Variants in IFIH1 observed in about 807,000 individuals in gnomAD.
IFIH1 encodes the protein interferon induced with helicase C domain 1.
A neutral mutation model predicts 107.4 loss-of-function variants in IFIH1; 125 were observed. The ratio of observed to expected loss-of-function variants is 1.16; its 90% CI spans 1.01 to 1.35. The LOEUF (loss-of-function observed/expected upper bound fraction) is 1.35. IFIH1 is among the 40% of genes most tolerant of loss of function. The pLI, the probability that IFIH1 is intolerant of heterozygous loss-of-function variation, is 0.00. For synonymous variants in IFIH1, 458 were observed against 413.2 expected (o/e 1.11, Z -1.31); for missense variants, 1,333 against 1,213.7 (o/e 1.10, Z -1.46).
At chr2:162,305,910 G>A (rs564663459) in intron 3 of IFIH1, among the ~76,000 whole-genome samples, 1 of 152,310 alleles carries the variant, frequency 6.6e-6, no homozygotes, top group South Asian at 2.1e-4. Flanking sequence ...TTTGTGTTCA[G>A]TGATCTTATG....
rs1384144128 is a variant in IFIH1, at chr2:162,267,512, T to C, written c.2865A>G (p.Gln955=). The change falls in exon 15 of 16, where the codon CAA becomes CAG. Residue 955 remains glutamine (Q), a synonymous_variant. Transcript: ENST00000649979. ...KALQKKCADY[Q]INGEIICKCG... is the part of the protein sequence containing the mutation. ...ATTTGCAGATGATTTCACCATTTAT[T>C]TGATAGTCGGCACACTTCTTTTGCA... 1 of 1,613,948 alleles carries C rather than the reference T, an allele frequency of 6.2e-7. No homozygotes were observed. Among genetic ancestry groups the C allele is most frequent in the Non-Finnish European group, 8.5e-7 (1 of 1,179,894 alleles).
intron 12 of IFIH1, among the ~76,000 whole-genome samples, chr2:162,272,885 C>T (rs1328710655): frequency 1.3e-5 from 2 of 152,148 alleles, no homozygotes; most frequent in Non-Finnish European, 2.9e-5. Context: ...TAACTTTCTA[C>T]AAGCCTCTTT....
intron 5 of IFIH1, among the ~76,000 whole-genome samples, chr2:162,286,504 C>T (rs140462338): frequency 6.6e-6 from 1 of 152,026 alleles, no homozygotes; most frequent in African/African-American, 2.4e-5. Flanking sequence ...GCCTATGTCC[C>T]TGTGACCAGA....
chr2:162,289,222 A>T (rs1682952854), intron 4 of IFIH1, among the ~76,000 whole-genome samples: 1 of 151,870 alleles, frequency 6.6e-6, no homozygotes, highest in South Asian at 2.1e-4. Flanking sequence ...ATAATATATT[A>T]AAAATATTTT....
intron 1 of IFIH1, among the ~76,000 whole-genome samples, chr2:162,311,251 A>C (rs112427245): frequency 5.3e-5 from 8 of 152,224 alleles, no homozygotes; most frequent in African/African-American, 1.7e-4. Context: ...GCCATTCCTG[A>C]ATAAAGGATA....
rs141324774 is a variant in IFIH1, at chr2:162,310,678, G to A, written c.622+87C>T. 276 of 1,054,760 alleles carry A rather than the reference G, an allele frequency of 2.6e-4. 1 individual carries two copies. The Middle Eastern group carries it at 3.4e-3, about 13-fold the overall frequency. 65.3% of individuals were successfully genotyped at this position (1,054,760 alleles called of 1,614,324 possible). A position where few individuals can be genotyped will look rare whatever the true frequency, so the allele number is the denominator to read the frequency against. On this transcript the variant is annotated intron_variant, in intron 2 of 15. Transcript: ENST00000649979. ...TAAAATTTTGATTCTAAAAATCTTG[G>A]TGTTTAGCATTGTGTCTTTCTGCTT...
At chr2:162,273,681 G>A (rs1691089749) in intron 12 of IFIH1, 114 bp downstream of exon 12, 2 of 797,226 alleles carry the variant, frequency 2.5e-6, no homozygotes, top group Non-Finnish European at 3.9e-6. Flanking sequence ...ACAGGAAAAA[G>A]GCTTTGTTTT....
Position 162,318,236 on chromosome 2 carries a change from C to T in IFIH1, c.72G>A (p.Met24Ile), listed in dbSNP as rs759079085. ...LISCFRARVK[M>I]YIQVEPVLDY... ...CCAGCACAGGCTCCACCTGGATGTA[C>T]ATTTTCACCCTGGCCCTGAAGCACG... Residue 24 changes from methionine to isoleucine, a missense_variant, in exon 1 of 16, where the codon ATG becomes ATA. Met to Ile is a conservative substitution (Grantham distance 10). Coordinates refer to ENST00000649979, the MANE Select transcript of IFIH1 (RefSeq NM_022168.4). 6.2e-7 allele frequency: 1 copy of T among 1,614,174 alleles called. No homozygotes were observed. The highest frequency in any genetic ancestry group is 1.7e-5 in the Admixed American group (1 of 60,030).
chr2:162,268,044 A>G lies in IFIH1; in HGVS notation c.2807+43T>C, dbSNP rs116388213. 7.2e-4 allele frequency: 1,007 copies of G among 1,390,762 alleles called. 4 individuals are homozygous for G. The African/African-American group carries it at 0.013, about 18-fold the overall frequency. The allele number at this position is 1,390,762 out of a possible 1,614,324, so 86.2% of individuals were successfully genotyped here. On this transcript the variant is annotated intron_variant, in intron 14 of 15. Coordinates refer to ENST00000649979, the MANE Select transcript of IFIH1 (RefSeq NM_022168.4). Reference sequence around the variant, plus strand: ...GAACATTTACAATGCAACCTGCTTCACCCCTTGTGGAAAAATGTAAAAATG... The same window carrying G: ...GAACATTTACAATGCAACCTGCTTCGCCCCTTGTGGAAAAATGTAAAAATG...
chr2:162,317,751 T>C (rs1210445779), intron 1 of IFIH1, 104 bp downstream of exon 1: 1 of 882,048 alleles, frequency 1.1e-6, no homozygotes, highest in Non-Finnish European at 1.7e-6. Flanking sequence ...AGAAACTAGA[T>C]TTGCCCAAAG....
intron 6 of IFIH1, 100 bp from the exon 7 acceptor site, chr2:162,281,645 C>T: frequency 1.3e-6 from 1 of 786,588 alleles, no homozygotes; most frequent in Non-Finnish European, 2.1e-6. Flanking sequence ...GATGCCTTCT[C>T]TTGGGCACGA....
At chr2:162,276,278 A>G (rs1178808964) in intron 11 of IFIH1, among the ~76,000 whole-genome samples, 1 of 152,142 alleles carries the variant, frequency 6.6e-6, no homozygotes, top group Non-Finnish European at 1.5e-5. Context: ...AAAGACTAAA[A>G]ACAATTTGAG....
intron 2 of IFIH1, 184 bp from the exon 3 acceptor site, chr2:162,307,039 A>T: frequency 4.0e-6 from 2 of 504,762 alleles, no homozygotes; most frequent in Non-Finnish European, 7.0e-6. Context: ...ATTTTATACA[A>T]TATAAATAGC....
rs1683538584 is a variant in IFIH1, at chr2:162,317,959, G to A, written c.349C>T (p.Leu117=). 1.2e-6 allele frequency: 2 copies of A among 1,614,078 alleles called. No individual in the cohort carries two copies. The highest frequency in any genetic ancestry group is 2.7e-5 in the African/African-American group (2 of 74,924). The change falls in exon 1 of 16, where the codon CTG becomes TTG. Residue 117 remains leucine (L), a synonymous_variant. Coordinates refer to ENST00000649979, the MANE Select transcript of IFIH1 (RefSeq NM_022168.4). The part of the protein sequence containing the change: ...FENAHDEYLQ[L]LNLLQPTLVD... The stretch of plus-strand genomic sequence containing the variant: ...AGAGTGGGCTGAAGGAGGTTCAGCA[G>A]TTGGAGATATTCATCATGAGCGTTC...
intron 3 of IFIH1, among the ~76,000 whole-genome samples, chr2:162,299,508 A>C (rs1054144227): frequency 6.6e-6 from 1 of 152,024 alleles, no homozygotes; most frequent in African/African-American, 2.4e-5. Context: ...CATGGTGTAA[A>C]TATTCACACC....
intron 4 of IFIH1, among the ~76,000 whole-genome samples, 158 bp from the exon 5 acceptor site, chr2:162,288,513 C>G (rs1490394310): frequency 6.6e-6 from 1 of 152,014 alleles, no homozygotes. Context: ...AATGTCTGCT[C>G]TCTGCATCTG....
chr2:162,287,246 T>C (rs1036519421), intron 5 of IFIH1, among the ~76,000 whole-genome samples: 3 of 151,856 alleles, frequency 2.0e-5, no homozygotes, highest in Non-Finnish European at 4.4e-5. Context: ...ACTTTTAGCA[T>C]AATAGAAATA....
At chr2:162,312,288 T>C (rs1451903851) in intron 1 of IFIH1, among the ~76,000 whole-genome samples, 1 of 152,188 alleles carries the variant, frequency 6.6e-6, no homozygotes, top group Non-Finnish European at 1.5e-5. Context: ...GCATGGTCTC[T>C]ACCCAAGGGA....
intron 1 of IFIH1, among the ~76,000 whole-genome samples, chr2:162,312,129 T>C (rs1683394131): frequency 6.6e-6 from 1 of 152,212 alleles, no homozygotes; most frequent in Admixed American, 6.5e-5. Flanking sequence ...ATGTATTTTC[T>C]AGTTCTATAA....
Sources: gnomAD v4.1 joint callset for allele counts (sites outside exome capture counted in the v4.1 genomes callset) on GRCh38, gnomAD v4.1.1 for gene constraint, MANE v1.5 for transcripts, NCBI Gene and HGNC (gene_info 2026-07-23, HGNC 2026-07-21) for gene names.